SASH1: variants seen among roughly 807,000 people sequenced by gnomAD.
The protein encoded by SASH1 is SAM and SH3 domain-containing protein 1.
A neutral mutation model predicts 125.2 loss-of-function variants in SASH1; 44 were observed. The observed-to-expected ratio is 0.35, with a 90% confidence interval of 0.28 to 0.45. SASH1 has a LOEUF of 0.45. SASH1 is among the 20% of genes least tolerant of loss of function. The pLI is 1.00. For synonymous variants in SASH1, 639 were observed against 649.1 expected (o/e 0.98, Z 0.24); for missense variants, 1,426 against 1,614.5 (o/e 0.88, Z 2.00).
chr6:148,481,104 TG>T (rs1428750670), intron 7 of SASH1, among the ~76,000 whole-genome samples: 1 of 151,726 alleles, frequency 6.6e-6, no homozygotes, highest in Non-Finnish European at 1.5e-5. Context: ...ATTGCAGGTT[TG>T]CCATCAGACC....
upstream of SASH1, among the ~76,000 whole-genome samples, chr6:148,270,360 T>C (rs781298004): frequency 1.6e-5 from 2 of 128,046 alleles, no homozygotes; most frequent in Non-Finnish European, 3.2e-5. Flanking sequence ...ATGCTTTTCC[T>C]TACTGACTTT....
the SASH1 span, among the ~76,000 whole-genome samples, chr6:148,258,573 T>G: frequency 1.3e-5 from 2 of 152,160 alleles, no homozygotes; most frequent in East Asian, 3.9e-4. Context: ...GTTCTGAGAT[T>G]ACCTTACTCC....
At chr6:148,366,488 TGTCTGACTTGC>T (rs759815871) in intron 1 of SASH1, among the ~76,000 whole-genome samples, 25 of 152,222 alleles carry the variant, frequency 1.6e-4, no homozygotes, top group Non-Finnish European at 3.1e-4. Context: ...GCATTTCTGG[TGTCTGACTTGC>T]AATGTCTGGA....
At chr6:148,536,540 A>G (rs1177975914) in intron 16 of SASH1, among the ~76,000 whole-genome samples, 1 of 152,158 alleles carries the variant, frequency 6.6e-6, no homozygotes, top group African/African-American at 2.4e-5. Flanking sequence ...GGGTTTCACC[A>G]TGATGGCCAA....
At chr6:148,355,865 A>T (rs995553546) in intron 1 of SASH1, among the ~76,000 whole-genome samples, 1 of 151,966 alleles carries the variant, frequency 6.6e-6, no homozygotes, top group African/African-American at 2.4e-5. Flanking sequence ...TTTATTTTTG[A>T]ATACAGGTTA....
chr6:148,532,903 G>A lies in SASH1; in HGVS notation c.1671G>A (p.Gly557=), dbSNP rs775070084. 27 of 1,614,122 alleles carry A rather than the reference G, an allele frequency of 1.7e-5. No individual in the cohort carries two copies. The highest frequency in any genetic ancestry group is 2.2e-5 in the Non-Finnish European group (26 of 1,180,056). Residue 557 remains glycine (G), a synonymous_variant, in exon 14 of 20, where the codon GGG becomes GGA. Transcript: ENST00000367467. The surrounding 1 kb of genome is among the most constrained non-coding windows in gnomAD (Gnocchi z 4.7). ...EEPPYRGPFC[G]RARVHTDFTP... is the part of the protein sequence containing the mutation. ...CGCCTTACCGAGGCCCGTTCTGCGG[G>A]CGTGCCAGGGTGCACACCGACTTCA...
At chr6:148,403,791 C>T (rs1443607804) in intron 2 of SASH1, among the ~76,000 whole-genome samples, 3 of 152,186 alleles carry the variant, frequency 2.0e-5, no homozygotes, top group Non-Finnish European at 2.9e-5. Flanking sequence ...CTCGACCTCC[C>T]GAAGTGCTGG....
Position 148,534,625 on chromosome 6 carries a change from A to G in SASH1, c.1945-126A>G. The G allele has an allele frequency of 4.4e-6, 4 of 903,302 alleles. No individual in the cohort carries two copies. In the Admixed American group the frequency reaches 7.3e-5, roughly 16 times the overall value. 56.0% of individuals were successfully genotyped at this position (903,302 alleles called of 1,614,324 possible). ...ACAGGATCCATTGCAAATGATACTTACTAATCTTTTGATTAGCCTGAAGGT... is the reference window on the plus strand; with the variant it reads ...ACAGGATCCATTGCAAATGATACTTGCTAATCTTTTGATTAGCCTGAAGGT... On this transcript the variant is annotated intron_variant, in intron 15 of 19. Coordinates refer to ENST00000367467, the MANE Select transcript of SASH1 (RefSeq NM_015278.5).
chr6:148,323,229 C>T (rs540333366), intron 1 of SASH1, among the ~76,000 whole-genome samples: 80 of 152,158 alleles, frequency 5.3e-4, no homozygotes, highest in Middle Eastern at 3.4e-3. Context: ...AGGCTGGTCT[C>T]GAACTCCTGA....
chr6:148,334,395 TC>T (rs1315607169), intron 1 of SASH1, among the ~76,000 whole-genome samples: 1 of 111,392 alleles, frequency 9.0e-6, no homozygotes, highest in Non-Finnish European at 1.7e-5. Context: ...GCCACTGCAC[TC>T]CCGCCTGGGC....
At chr6:148,489,850 CTGTGTGTG>C (rs151183028) in intron 8 of SASH1, among the ~76,000 whole-genome samples, 2,840 of 136,592 alleles carry the variant, frequency 0.021, 84 homozygotes, top group African/African-American at 0.066. Flanking sequence ...GCTATATAGG[CTGTGTGTG>C]TGTGTGTGTG....
chr6:148,254,987 A>G, the SASH1 span, among the ~76,000 whole-genome samples: 1 of 152,226 alleles, frequency 6.6e-6, no homozygotes, highest in East Asian at 1.9e-4. Context: ...GGATAAACCA[A>G]ATGAGATGTA....
At chr6:148,454,026 G>A (rs1054075800) in intron 4 of SASH1, among the ~76,000 whole-genome samples, 1 of 152,192 alleles carries the variant, frequency 6.6e-6, no homozygotes, top group Non-Finnish European at 1.5e-5. Flanking sequence ...AGGCAGTTCA[G>A]CAAAAACAAT....
At chr6:148,267,621 G>C (rs541189124), upstream of SASH1, among the ~76,000 whole-genome samples, 26 of 152,008 alleles carry the variant, frequency 1.7e-4, no homozygotes, top group African/African-American at 5.8e-4. Context: ...CTCATGATCT[G>C]CCTGTCTAGG....
intron 2 of SASH1, among the ~76,000 whole-genome samples, chr6:148,416,537 C>A (rs1052607730): frequency 1.3e-5 from 2 of 152,238 alleles, no homozygotes; most frequent in South Asian, 4.1e-4. Flanking sequence ...TGCTATGTGT[C>A]GCAAAACCCT....
At chr6:148,399,725 A>C (rs1458385803) in intron 2 of SASH1, among the ~76,000 whole-genome samples, 4 of 152,192 alleles carry the variant, frequency 2.6e-5, no homozygotes, top group Non-Finnish European at 5.9e-5. Flanking sequence ...ACTGGGGAGA[A>C]GAGTTAGGAA....
Position 148,448,508 on chromosome 6 carries a change from G to A in SASH1, c.386+8101G>A, listed in dbSNP as rs565606703. Among the ~76,000 whole-genome samples, 177 of 152,146 alleles carry A rather than the reference G, an allele frequency of 1.2e-3. 4 individuals carry two copies. The highest frequency in any genetic ancestry group is 9.9e-3 in the Admixed American group (151 of 15,290). On this transcript the variant is annotated intron_variant, in intron 4 of 19. Coordinates refer to ENST00000367467, the MANE Select transcript of SASH1 (RefSeq NM_015278.5). Reference sequence around the variant, plus strand: ...TTGGGTCCTGCTGACTTTTCCCCGGGTCACACTTCTCTCATCTCCCTTGGT... The same window carrying A: ...TTGGGTCCTGCTGACTTTTCCCCGGATCACACTTCTCTCATCTCCCTTGGT...
intron 8 of SASH1, among the ~76,000 whole-genome samples, chr6:148,505,957 G>C (rs1230407450): frequency 2.0e-5 from 3 of 151,604 alleles, no homozygotes; most frequent in African/African-American, 7.3e-5. Flanking sequence ...TTTTAGTAGA[G>C]ACGGGGTTTC....
chr6:148,541,405 T>A (rs1782209024), intron 17 of SASH1, among the ~76,000 whole-genome samples: 1 of 151,904 alleles, frequency 6.6e-6, no homozygotes, highest in Admixed American at 6.6e-5. Flanking sequence ...TGGACAGCAG[T>A]TTTGTAAGAC....
Sources: allele counts gnomAD v4.1 joint callset (sites outside exome capture counted in the v4.1 genomes callset), GRCh38; gene constraint gnomAD v4.1.1; non-coding constraint Gnocchi (gnomAD v3.1); transcripts MANE v1.5; gene names NCBI Gene and HGNC (gene_info 2026-07-23, HGNC 2026-07-21).